Variants in GARNL3 observed in about 807,000 individuals in gnomAD.
GARNL3 encodes the protein GTPase-activating Rap/Ran-GAP domain-like protein 3.
GARNL3 carries 63 observed loss-of-function variants against 125.0 expected under a neutral mutation model. The observed-to-expected ratio is 0.50, with a 90% CI of 0.41 to 0.62. The LOEUF (loss-of-function observed/expected upper bound fraction) is 0.62, where lower values mean the gene tolerates loss of function less well. Among genes scored for constraint, GARNL3 ranks in the 20% least tolerant of loss-of-function variants. GARNL3 has a pLI of 0.00. For missense variants in GARNL3, 994 were observed against 1,244.0 expected, an observed-to-expected ratio of 0.80 and a Z score of 3.02; for synonymous variants, 439 against 457.5, an observed-to-expected ratio of 0.96 and a Z score of 0.52.
At chr9:127,348,830 C>G in intron 16 of GARNL3, 94 bp from the exon 17 acceptor site, 1 of 766,812 alleles carries the variant, frequency 1.3e-6, no homozygotes, top group East Asian at 2.8e-5. Flanking sequence ...ATCTGTGTTA[C>G]TGTTTCAGGT....
rs189429312 is a variant in GARNL3 at position 127,279,458 on chromosome 9, A to G, written c.145-11710A>G. On this transcript the variant is annotated intron_variant, in intron 1 of 27. Coordinates refer to ENST00000373387, the MANE Select transcript of GARNL3 (RefSeq NM_032293.5). ...TTTGTTTTGTTCCTTTCCATTCTAT[A>G]ATCAGCATCTAAAATGATGGAGATA... 2.6e-4 allele frequency among the ~76,000 whole-genome samples: 40 copies of G among 152,180 alleles called. No individual in the cohort carries two copies. The East Asian group carries it at 7.3e-3, about 28-fold the overall frequency.
intron 17 of GARNL3, among the ~76,000 whole-genome samples, chr9:127,349,277 G>C (rs975802718): frequency 6.6e-6 from 1 of 152,124 alleles, no homozygotes; most frequent in Non-Finnish European, 1.5e-5. Flanking sequence ...TGATGGGACT[G>C]TGGATATCAA....
upstream of GARNL3, among the ~76,000 whole-genome samples, chr9:127,260,038 C>T (rs992258264): frequency 6.6e-6 from 1 of 152,162 alleles, no homozygotes; most frequent in African/African-American, 2.4e-5. Flanking sequence ...AGAACCTTGT[C>T]TGCTTTTTCT....
Position 127,384,919 on chromosome 9 carries a change from A to C in GARNL3, c.2270-108A>C. On this transcript the variant is annotated intron_variant, in intron 23 of 27. Transcript: ENST00000373387. The surrounding 1 kb of genome is among the most constrained non-coding windows in gnomAD (Gnocchi z 4.0). ...AGGAAGGAGAGAAGCAGCCAGAGGA[A>C]TGAGAGATGGAAGTTTCTAGAGAAG... 4 of 587,950 alleles carry C rather than the reference A, an allele frequency of 6.8e-6. No individual in the cohort carries two copies. Among genetic ancestry groups the C allele is most frequent in the Non-Finnish European group, 1.2e-5 (4 of 326,148 alleles). 36.4% of individuals were successfully genotyped at this position (587,950 alleles called of 1,614,324 possible). A position where few individuals can be genotyped will look rare whatever the true frequency, so the allele number is the denominator to read the frequency against.
At chr9:127,267,397 A>G (rs574323745) in intron 1 of GARNL3, among the ~76,000 whole-genome samples, 3 of 152,282 alleles carry the variant, frequency 2.0e-5, no homozygotes, top group South Asian at 4.1e-4. Flanking sequence ...GAAATTATGT[A>G]TTTAATTTAA....
intron 21 of GARNL3, chr9:127,362,097 G>A (rs1299118675): frequency 7.1e-6 from 1 of 140,654 alleles, no homozygotes; most frequent in African/African-American, 2.7e-5. Context: ...TTGAGACAGA[G>A]TTTCGCTCTT....
Position 127,233,116 on chromosome 9 carries a change from C to T in GARNL3, c.-29+8778C>T, listed in dbSNP as rs748479964. 1.2e-4 allele frequency among the ~76,000 whole-genome samples: 18 copies of T among 152,052 alleles called. 1 individual carries two copies. Among genetic ancestry groups the T allele is most frequent in the Middle Eastern group, 6.8e-3 (2 of 292 alleles). On this transcript the variant is annotated intron_variant, in intron 1 of 10. Transcript: ENST00000439286. Reference sequence around the variant, plus strand: ...TTGCATGCCTGTAGTCCCAGCTACTCAGGGGGCTGAGATGAGAGGATCACT... The same window carrying T: ...TTGCATGCCTGTAGTCCCAGCTACTTAGGGGGCTGAGATGAGAGGATCACT...
At chr9:127,301,270 A>G (rs577278605) in intron 2 of GARNL3, among the ~76,000 whole-genome samples, 1 of 152,314 alleles carries the variant, frequency 6.6e-6, no homozygotes, top group African/African-American at 2.4e-5. Context: ...CCACACAGCC[A>G]CAGAGTGGAG....
intron 21 of GARNL3, chr9:127,361,576 G>T (rs1472615091): frequency 1.3e-5 from 2 of 152,244 alleles, no homozygotes; most frequent in African/African-American, 4.8e-5. Flanking sequence ...TGTGCTAAGT[G>T]TTAATAAAGG....
intron 17 of GARNL3, among the ~76,000 whole-genome samples, chr9:127,352,984 A>G (rs1174056999): frequency 6.6e-6 from 1 of 152,186 alleles, no homozygotes; most frequent in African/African-American, 2.4e-5. Context: ...TCTGCCATCC[A>G]TCTCAGAACA....
chr9:127,263,958 A>G (rs1235162540), upstream of GARNL3: 2 of 1,527,798 alleles, frequency 1.3e-6, no homozygotes, highest in Non-Finnish European at 8.8e-7. Context: ...AGAGGGCTGT[A>G]ATTTAGAAAA....
intron 20 of GARNL3, chr9:127,356,541 T>C (rs1830699194): frequency 6.6e-6 from 1 of 152,260 alleles, no homozygotes; most frequent in African/African-American, 2.4e-5. Context: ...TTTTGAATTA[T>C]GCCTATCAAT....
chr9:127,280,963 A>G lies in GARNL3; in HGVS notation c.145-10205A>G, dbSNP rs1183089663. Among the ~76,000 whole-genome samples the G allele has an allele frequency of 1.3e-5, 2 of 152,208 alleles. No individual in the cohort carries two copies. The highest frequency in any genetic ancestry group is 2.9e-5 in the Non-Finnish European group (2 of 68,024). ...ATTGGATGGTGGTGAGGATCTAGCCATAATCAAATAGCATGAGCATGTTGT... is the reference window on the plus strand; with the variant it reads ...ATTGGATGGTGGTGAGGATCTAGCCGTAATCAAATAGCATGAGCATGTTGT... On this transcript the variant is annotated intron_variant, in intron 1 of 27. Coordinates refer to ENST00000373387, the MANE Select transcript of GARNL3 (RefSeq NM_032293.5). This position sits in a 1 kb window ranked among gnomAD's most constrained non-coding sequence, Gnocchi z 4.5.
intron 22 of GARNL3, among the ~76,000 whole-genome samples, chr9:127,371,217 C>T (rs533266497): frequency 2.0e-5 from 3 of 152,254 alleles, no homozygotes; most frequent in East Asian, 1.9e-4. Flanking sequence ...GTAGCACGCA[C>T]GGAATTTCTT....
chr9:127,303,195 T>C lies in GARNL3; in HGVS notation c.220-8441T>C, dbSNP rs1048884229. 8.5e-5 allele frequency among the ~76,000 whole-genome samples: 13 copies of C among 152,288 alleles called. 1 individual carries two copies. Among genetic ancestry groups the C allele is most frequent in the African/African-American group, 2.4e-4 (10 of 41,546 alleles). On this transcript the variant is annotated intron_variant, in intron 2 of 27. Transcript: ENST00000373387. ...ATAAATATTCCCAAGATATTTTCTT[T>C]AGCAGAGAAAAATTTTTCAGTGTAA...
chr9:127,379,213 A>G (rs1040213771), intron 22 of GARNL3, among the ~76,000 whole-genome samples: 4 of 152,216 alleles, frequency 2.6e-5, no homozygotes, highest in African/African-American at 9.6e-5. Context: ...GCTCATTCCA[A>G]TGGAAAGTCC....
Position 127,320,722 on chromosome 9 carries a change from A to G in GARNL3, c.511A>G (p.Asn171Asp). Residue 171 changes from asparagine (N) to aspartate (D), a missense_variant, in exon 6 of 28, where the codon AAT (asparagine) becomes GAT (aspartate). Transcript: ENST00000373387. ...CTGTCCATTCTATTTCAGTGCCATG[A>G]ATCTGGACAAATTTGAGAAAGGCCC... ...LSVKSILSAM[N>D]LDKFEKGPRE... The G allele has an allele frequency of 6.2e-7, 1 of 1,612,096 alleles. No individual in the cohort carries two copies. The highest frequency in any genetic ancestry group is 8.5e-7 in the Non-Finnish European group (1 of 1,178,254).
At chr9:127,303,746 T>G (rs2064868107) in intron 2 of GARNL3, among the ~76,000 whole-genome samples, 1 of 152,220 alleles carries the variant, frequency 6.6e-6, no homozygotes, top group Non-Finnish European at 1.5e-5. Flanking sequence ...ATTCCCTGCT[T>G]AAAGTCAAAT....
At chr9:127,302,181 A>G (rs1381502331) in intron 2 of GARNL3, among the ~76,000 whole-genome samples, 2 of 151,614 alleles carry the variant, frequency 1.3e-5, no homozygotes, top group Non-Finnish European at 2.9e-5. Context: ...TGACCTCATG[A>G]TCCACCCGCC....
Sources: gnomAD v4.1 joint callset for allele counts (sites outside exome capture counted in the v4.1 genomes callset) on GRCh38, gnomAD v4.1.1 for gene constraint, Gnocchi (gnomAD v3.1) non-coding constraint, MANE v1.5 for transcripts, NCBI Gene and HGNC (gene_info 2026-07-23, HGNC 2026-07-21) for gene names.